IREB2: variants seen among roughly 807,000 people sequenced by gnomAD.
The protein encoded by IREB2 is iron responsive element binding protein 2.
Under a neutral mutation model 118.8 loss-of-function variants are expected in IREB2, and 39 were observed. The observed-to-expected ratio is 0.33, with a 90% CI of 0.25 to 0.43. The LOEUF (loss-of-function observed/expected upper bound fraction) is 0.43, where lower values mean the gene tolerates loss of function less well. IREB2 is among the 20% of genes least tolerant of loss of function. IREB2 has a pLI of 1.00. For synonymous variants in IREB2, 372 were observed against 392.2 expected (o/e 0.95, Z 0.61); for missense variants, 900 against 1,147.3 (o/e 0.78, Z 3.11).
intron 3 of IREB2, 104 bp downstream of exon 3, chr15:78,463,191 T>C: frequency 2.1e-6 from 2 of 971,704 alleles, no homozygotes; most frequent in Non-Finnish European, 3.0e-6. Flanking sequence ...CTAATCCCAG[T>C]ACTTTGGGAG....
At position 78,488,273 on chromosome 15, in the gene IREB2, C is replaced by T; in HGVS notation, c.1888C>T (p.Pro630Ser). ...TCGTGCCAATTATCTTGCCTCTCCA[C>T]CCTTAGTGGTAGCTTATGCCATAGC... is the stretch of plus-strand genomic sequence containing the variant. ...CVRANYLASP[P>S]LVVAYAIAGT... is the part of the protein sequence containing the mutation. Residue 630 changes from proline to serine, a missense_variant, in exon 15 of 22, where the codon CCC becomes TCC. Coordinates refer to ENST00000258886, the MANE Select transcript of IREB2 (RefSeq NM_004136.4). 1 of 1,611,408 alleles carries T rather than the reference C, an allele frequency of 6.2e-7. No individual in the cohort carries two copies. The highest frequency in any genetic ancestry group is 8.5e-7 in the Non-Finnish European group (1 of 1,179,194).
rs1183935048 is a variant in IREB2 at position 78,499,724 on chromosome 15, G to A, written c.*1581G>A. ...CTTGATATATGCTGTATATTTATTT[G>A]TTAGTGCATGTGTTTTTAATTTACA... is the stretch of plus-strand genomic sequence containing the variant. On this transcript the variant is annotated 3_prime_UTR_variant, in exon 22 of 22. Transcript: ENST00000258886. The A allele has an allele frequency of 6.6e-6, 1 of 152,150 alleles. No individual in the cohort carries two copies. Among genetic ancestry groups the A allele is most frequent in the Non-Finnish European group, 1.5e-5 (1 of 68,026 alleles). 9.4% of individuals were successfully genotyped at this position (152,150 alleles called of 1,614,324 possible).
chr15:78,492,447 G>A (rs750025673), intron 18 of IREB2, among the ~76,000 whole-genome samples: 3 of 151,998 alleles, frequency 2.0e-5, no homozygotes, highest in Non-Finnish European at 4.4e-5. Context: ...AAGGTCTCAG[G>A]GTCAGGACCA....
intron 5 of IREB2, among the ~76,000 whole-genome samples, chr15:78,467,408 A>G (rs977707078): frequency 1.3e-5 from 2 of 152,100 alleles, no homozygotes; most frequent in East Asian, 1.9e-4. Context: ...AAAGAGTTCT[A>G]TGGCCAGGCG....
In IREB2 at chr15:78,498,172, A is replaced by T. The variant is rs2051871872; in HGVS notation, c.*29A>T. On this transcript the variant is annotated 3_prime_UTR_variant, in exon 22 of 22. Transcript: ENST00000258886. The stretch of plus-strand genomic sequence containing the variant: ...CTACTTACCATAGATACCTTTCATA[A>T]CTGGTAACTGCAAAGCCTTTTGTGC... 2 of 1,262,928 alleles carry T rather than the reference A, an allele frequency of 1.6e-6. No homozygotes were observed. Among genetic ancestry groups the T allele is most frequent in the South Asian group, 2.4e-5 (2 of 83,444 alleles). 78.2% of individuals were successfully genotyped at this position (1,262,928 alleles called of 1,614,324 possible). A position where few individuals can be genotyped will look rare whatever the true frequency, so the allele number is the denominator to read the frequency against.
At position 78,466,427 on chromosome 15, in the gene IREB2, AT is replaced by A; in HGVS notation, c.571del (p.Ser191LeufsTer25). ...SGELGRNSGT[F>X]SSQIENTPIL... Reference sequence around the variant, plus strand: ...GAGAACTAGGCCGAAACTCAGGAACATTTTCTTCGCAGATTGAGAATACACC... The same window carrying A: ...GAGAACTAGGCCGAAACTCAGGAACATTTCTTCGCAGATTGAGAATACACC... On this transcript the variant is annotated frameshift_variant, in exon 5 of 22. Transcript: ENST00000258886. LOFTEE classifies it high-confidence loss of function. The A allele has an allele frequency of 6.2e-7, 1 of 1,614,118 alleles. No individual in the cohort carries two copies.
At chr15:78,473,147 A>G in intron 7 of IREB2, 95 bp from the exon 8 acceptor site, 2 of 1,197,882 alleles carry the variant, frequency 1.7e-6, no homozygotes. Context: ...AGTACTGTGT[A>G]AGATAAGCTC....
At chr15:78,463,305 A>G (rs1299118118) in intron 3 of IREB2, among the ~76,000 whole-genome samples, 3 of 152,010 alleles carry the variant, frequency 2.0e-5, no homozygotes, top group Admixed American at 6.6e-5. Context: ...GCCGAATGTA[A>G]TGGTGCATGC....
At chr15:78,492,341 G>A (rs2051764196) in intron 18 of IREB2, among the ~76,000 whole-genome samples, 2 of 107,134 alleles carry the variant, frequency 1.9e-5, no homozygotes, top group African/African-American at 7.1e-5. Context: ...ATCTGGGACT[G>A]GAAAATGTAC....
At chr15:78,469,111 TG>T (rs1174593842) in intron 5 of IREB2, among the ~76,000 whole-genome samples, 1 of 152,234 alleles carries the variant, frequency 6.6e-6, no homozygotes, top group Non-Finnish European at 1.5e-5. Flanking sequence ...TTGTAGTTCC[TG>T]GCTATGTGAT....
At chr15:78,480,663 TG>T (rs2051551942) in intron 10 of IREB2, among the ~76,000 whole-genome samples, 1 of 117,596 alleles carries the variant, frequency 8.5e-6, no homozygotes, top group African/African-American at 3.3e-5. Flanking sequence ...CATTTCAGCC[TG>T]GGCAACAGAA....
chr15:78,437,880 C>T (rs978159583), upstream of IREB2, among the ~76,000 whole-genome samples: 3 of 152,240 alleles, frequency 2.0e-5, no homozygotes, highest in Non-Finnish European at 2.9e-5. Context: ...AGCTCTTTCT[C>T]CTAGCAGTTC....
In IREB2 at chr15:78,438,238, C is replaced by T. The variant is rs1241465200; in HGVS notation, c.-100C>T. On this transcript the variant is annotated 5_prime_UTR_variant, in exon 1 of 22. Transcript: ENST00000258886. ...CGCGAGCCTGCTTCCTTCTTTCCTC[C>T]CTTGCCAGTCCGCCTGTCTTCCTCC... 8.7e-6 allele frequency: 8 copies of T among 919,274 alleles called. No individual in the cohort carries two copies. Among genetic ancestry groups the T allele is most frequent in the South Asian group, 2.8e-5 (2 of 71,280 alleles). The allele number at this position is 919,274 out of a possible 1,614,324, so 56.9% of individuals were successfully genotyped here.
chr15:78,438,713 A>C, intron 1 of IREB2: 4 of 352,576 alleles, frequency 1.1e-5, no homozygotes, highest in East Asian at 5.7e-5. Context: ...CCCGCCCCCC[A>C]TTGGCGAGCG....
rs371228511 is a variant in IREB2, at chr15:78,498,188, C to A, written c.*45C>A. On this transcript the variant is annotated 3_prime_UTR_variant, in exon 22 of 22. Transcript: ENST00000258886. ...CCTTTCATAACTGGTAACTGCAAAGCCTTTTGTGCTGGACCCAGGAATCCT... is the reference window on the plus strand; with the variant it reads ...CCTTTCATAACTGGTAACTGCAAAGACTTTTGTGCTGGACCCAGGAATCCT... 16 of 1,106,694 alleles carry A rather than the reference C, an allele frequency of 1.4e-5. No individual in the cohort carries two copies. The highest frequency in any genetic ancestry group is 1.7e-5 in the Non-Finnish European group (12 of 720,750). 68.6% of individuals were successfully genotyped at this position (1,106,694 alleles called of 1,614,324 possible). A position where few individuals can be genotyped will look rare whatever the true frequency, so the allele number is the denominator to read the frequency against.
intron 16 of IREB2, among the ~76,000 whole-genome samples, 184 bp from the exon 17 acceptor site, chr15:78,490,238 T>C (rs2051726491): frequency 6.6e-6 from 1 of 152,266 alleles, no homozygotes; most frequent in South Asian, 2.1e-4. Flanking sequence ...AAATAAAAAT[T>C]TAAAATTTTT....
chr15:78,451,597 A>C, intron 2 of IREB2, among the ~76,000 whole-genome samples: 1 of 152,354 alleles, frequency 6.6e-6, no homozygotes, highest in South Asian at 2.1e-4. Context: ...CGAGTACTAC[A>C]GGTTGAGTAT....
At chr15:78,454,162 C>T (rs1355192526) in intron 2 of IREB2, among the ~76,000 whole-genome samples, 2 of 152,188 alleles carry the variant, frequency 1.3e-5, no homozygotes, top group Middle Eastern at 3.2e-3. Context: ...AAATTTACCA[C>T]GTAGCCCAGC....
At chr15:78,438,452 G>A in intron 1 of IREB2, 96 bp downstream of exon 1, 1 of 1,388,640 alleles carries the variant, frequency 7.2e-7, no homozygotes, top group Non-Finnish European at 1.0e-6. Context: ...TCGCTCGGCA[G>A]GCGCCCAGGC....
Sources: allele counts gnomAD v4.1 joint callset (sites outside exome capture counted in the v4.1 genomes callset), GRCh38; gene constraint gnomAD v4.1.1; transcripts MANE v1.5; gene names NCBI Gene and HGNC (gene_info 2026-07-23, HGNC 2026-07-21).